BAZ1B: variants seen among roughly 807,000 people sequenced by gnomAD.
BAZ1B encodes the protein bromodomain adjacent to zinc finger domain 1B.
In BAZ1B, 22 loss-of-function variants were observed where a neutral mutation model predicts 153.8. The ratio of observed to expected loss-of-function variants is 0.14; its 90% CI spans 0.10 to 0.20. The LOEUF (loss-of-function observed/expected upper bound fraction) is 0.20, where lower values mean the gene tolerates loss of function less well. BAZ1B is among the 10% of genes least tolerant of loss of function. BAZ1B has a pLI of 1.00. For missense variants in BAZ1B, 1,325 were observed against 1,799.3 expected (o/e 0.74, Z 4.77); for synonymous variants, 676 against 633.4 (o/e 1.07, Z -1.01).
At chr7:73,470,166 A>G (rs1554571791) in intron 8 of BAZ1B, among the ~76,000 whole-genome samples, 179 bp downstream of exon 8, 1 of 152,250 alleles carries the variant, frequency 6.6e-6, no homozygotes, top group Admixed American at 6.5e-5. Flanking sequence ...TGTCTTACTT[A>G]ACTTTGCAAC....
chr7:73,510,681 C>T, intron 2 of BAZ1B, 55 bp downstream of exon 2: 1 of 1,506,452 alleles, frequency 6.6e-7, no homozygotes. Context: ...TTAATATTCC[C>T]TCCTTTCCTA....
chr7:73,515,821 C>T (rs1349386708), intron 1 of BAZ1B, among the ~76,000 whole-genome samples: 1 of 152,120 alleles, frequency 6.6e-6, no homozygotes, highest in Non-Finnish European at 1.5e-5. Context: ...GCATGAACAA[C>T]CATACCAGGT....
chr7:73,496,904 A>G (rs184316577), intron 4 of BAZ1B, among the ~76,000 whole-genome samples: 3 of 151,940 alleles, frequency 2.0e-5, no homozygotes, highest in African/African-American at 2.4e-5. Context: ...CGAGGCCACA[A>G]GGAGGTCCAG....
At chr7:73,442,078 A>G in intron 19 of BAZ1B, 103 bp downstream of exon 19, 1 of 803,728 alleles carries the variant, frequency 1.2e-6, no homozygotes, top group Non-Finnish European at 2.0e-6. Flanking sequence ...GCTTGGGATG[A>G]CAGGCGTTTC....
At chr7:73,496,867 C>T (rs1480516069) in intron 4 of BAZ1B, among the ~76,000 whole-genome samples, 6 of 151,922 alleles carry the variant, frequency 3.9e-5, no homozygotes, top group East Asian at 3.9e-4. Context: ...AGGCACAGTG[C>T]GTCATACCTG....
In BAZ1B at chr7:73,477,490, G is replaced by A. The variant is rs1336410086; in HGVS notation, c.1971C>T (p.Ile657=). Residue 657 remains isoleucine, a synonymous_variant, in exon 7 of 20, where the codon ATC becomes ATT. Coordinates refer to ENST00000339594, the MANE Select transcript of BAZ1B (RefSeq NM_032408.4). The surrounding 1 kb of genome is among the most constrained non-coding windows in gnomAD (Gnocchi z 5.6). The part of the protein sequence containing the change: ...GFLYLNRVLV[I]LLQTLLQDEI... ...CATCTTGTAGGAGGGTCTGTAAGAGGATGACCAACACCCTGTTAAGGTATA... is the reference window on the plus strand; with the variant it reads ...CATCTTGTAGGAGGGTCTGTAAGAGAATGACCAACACCCTGTTAAGGTATA... 1.9e-6 allele frequency: 3 copies of A among 1,614,052 alleles called. No individual in the cohort carries two copies. Among genetic ancestry groups the A allele is most frequent in the African/African-American group, 2.7e-5 (2 of 74,918 alleles).
At chr7:73,491,962 A>C (rs1789662912) in intron 5 of BAZ1B, among the ~76,000 whole-genome samples, 2 of 149,822 alleles carry the variant, frequency 1.3e-5, no homozygotes, top group African/African-American at 2.5e-5. Context: ...ATTTCTTAGA[A>C]TCTTAGTTCC....
chr7:73,476,804 G>C, intron 7 of BAZ1B, 64 bp downstream of exon 7: 1 of 1,528,750 alleles, frequency 6.5e-7, no homozygotes, highest in Non-Finnish European at 8.7e-7. Flanking sequence ...CATTACCTCA[G>C]TAATTTCCTT....
At chr7:73,512,437 T>C (rs1790626475) in intron 1 of BAZ1B, among the ~76,000 whole-genome samples, 1 of 152,152 alleles carries the variant, frequency 6.6e-6, no homozygotes, top group Non-Finnish European at 1.5e-5. Context: ...TACTTAGAAG[T>C]ATTCCGGAAA....
At position 73,508,349 on chromosome 7, in the gene BAZ1B, A is replaced by T; in HGVS notation, c.347T>A (p.Val116Glu). Residue 116 changes from valine to glutamate, a missense_variant, in exon 3 of 20, where the codon GTG becomes GAG. Val to Glu is a moderately radical substitution (Grantham distance 121, BLOSUM62 -2). Around this residue, in one of 9 missense-constraint regions of BAZ1B, gnomAD observed 153 missense variants for 204.8 expected, o/e 0.75. Transcript: ENST00000339594. Reference protein sequence around the residue: ...AWLEIMTKYAVGEECDFEVGK... With the variant: ...AWLEIMTKYAEGEECDFEVGK... ...CACCTCGAAGTCACACTCTTCTCCC[A>T]CAGCATATTTGGTCATGATCTCCAA... The T allele has an allele frequency of 1.2e-6, 2 of 1,613,950 alleles. No homozygotes were observed. The highest frequency in any genetic ancestry group is 1.7e-6 in the Non-Finnish European group (2 of 1,179,940).
intron 5 of BAZ1B, among the ~76,000 whole-genome samples, chr7:73,489,786 C>G (rs1789563890): frequency 6.6e-6 from 1 of 152,116 alleles, no homozygotes; most frequent in Non-Finnish European, 1.5e-5. Flanking sequence ...GAGTGAGACC[C>G]TATCTGAGAG....
intron 12 of BAZ1B, among the ~76,000 whole-genome samples, chr7:73,460,896 C>T (rs1788370890): frequency 6.6e-6 from 1 of 151,832 alleles, no homozygotes; most frequent in African/African-American, 2.4e-5. Flanking sequence ...CTGCTGTCAG[C>T]TATGATCTGT....
At chr7:73,515,433 G>T (rs1369649664) in intron 1 of BAZ1B, among the ~76,000 whole-genome samples, 1 of 151,926 alleles carries the variant, frequency 6.6e-6, no homozygotes, top group Non-Finnish European at 1.5e-5. Context: ...CCCGGAAGAG[G>T]CTTAAAGTCA....
At chr7:73,451,704 ACT>A (rs1334438018) in intron 13 of BAZ1B, among the ~76,000 whole-genome samples, 1 of 152,144 alleles carries the variant, frequency 6.6e-6, no homozygotes, top group Non-Finnish European at 1.5e-5. Context: ...AAACTGACTG[ACT>A]CTGTTGTAGA....
At chr7:73,510,918 T>C in intron 1 of BAZ1B, 66 bp from the exon 2 acceptor site, 3 of 1,282,734 alleles carry the variant, frequency 2.3e-6, no homozygotes, top group South Asian at 2.5e-5. Flanking sequence ...ACCCATAAGA[T>C]ACTTATATAC....
At chr7:73,475,810 G>C (rs1788975376) in intron 7 of BAZ1B, among the ~76,000 whole-genome samples, 1 of 151,840 alleles carries the variant, frequency 6.6e-6, no homozygotes, top group South Asian at 2.1e-4. Flanking sequence ...TGTAATCCCA[G>C]CTACTCGGGA....
At chr7:73,496,723 T>C (rs1291807270) in intron 4 of BAZ1B, among the ~76,000 whole-genome samples, 1 of 152,130 alleles carries the variant, frequency 6.6e-6, no homozygotes, top group East Asian at 1.9e-4. Context: ...TTTCAGGATT[T>C]TACCTGCTCC....
Position 73,450,765 on chromosome 7 carries a change from C to A in BAZ1B, c.3580+82G>T. 2.0e-6 allele frequency: 3 copies of A among 1,513,506 alleles called. No individual in the cohort carries two copies. The highest frequency in any genetic ancestry group is 1.2e-5 in the South Asian group (1 of 84,336). 93.8% of individuals were successfully genotyped at this position (1,513,506 alleles called of 1,614,324 possible). ...ACTTATATTCTGTGTACACAAAATT[C>A]TTTTGGGTAGAAATGAAGATCTTGG... On this transcript the variant is annotated intron_variant, in intron 14 of 19. Coordinates refer to ENST00000339594, the MANE Select transcript of BAZ1B (RefSeq NM_032408.4). The surrounding 1 kb of genome is among the most constrained non-coding windows in gnomAD (Gnocchi z 4.1).
chr7:73,501,601 A>G (rs1640708280), intron 3 of BAZ1B, among the ~76,000 whole-genome samples: 1 of 152,130 alleles, frequency 6.6e-6, no homozygotes, highest in Non-Finnish European at 1.5e-5. Context: ...ACCCACTAGA[A>G]TCATCTGTCC....
Sources: allele counts gnomAD v4.1 joint callset (sites outside exome capture counted in the v4.1 genomes callset), GRCh38; gene constraint gnomAD v4.1.1; regional missense constraint gnomAD v4.1.1; non-coding constraint Gnocchi (gnomAD v3.1); transcripts MANE v1.5; gene names NCBI Gene and HGNC (gene_info 2026-07-23, HGNC 2026-07-21).